GATAD2A: variants seen among roughly 807,000 people sequenced by gnomAD.
The protein encoded by GATAD2A is GATA zinc finger domain containing 2A.
GATAD2A carries 12 observed loss-of-function variants against 68.5 expected under a neutral mutation model. The observed-to-expected ratio is 0.18, with a 90% CI of 0.11 to 0.28. The LOEUF (loss-of-function observed/expected upper bound fraction) is 0.28. Among genes scored for constraint, GATAD2A ranks in the 10% least tolerant of loss-of-function variants. The pLI is 1.00. For synonymous variants in GATAD2A, 410 were observed against 375.3 expected (o/e 1.09, Z -1.07); for missense variants, 755 against 868.5 (o/e 0.87, Z 1.64).
chr19:19,460,060 C>T (rs1340209686), intron 1 of GATAD2A, among the ~76,000 whole-genome samples: 2 of 152,220 alleles, frequency 1.3e-5, no homozygotes, highest in African/African-American at 4.8e-5. Flanking sequence ...AAGAAGTATG[C>T]TTGTCAGGCA....
rs1034995360 is a variant in GATAD2A at position 19,477,510 on chromosome 19, G to A, written c.269+11896G>A. On this transcript the variant is annotated intron_variant, in intron 2 of 11. Coordinates refer to ENST00000683918, the MANE Select transcript of GATAD2A (RefSeq NM_001384528.1). Reference sequence around the variant, plus strand: ...GTCTGCAGGCGGTGTGGGAAGAGTGGTCTGAGGGCACTCTCTGGGGGACTG... The same window carrying A: ...GTCTGCAGGCGGTGTGGGAAGAGTGATCTGAGGGCACTCTCTGGGGGACTG... Among the ~76,000 whole-genome samples, 3 of 152,214 alleles carry A rather than the reference G, an allele frequency of 2.0e-5. No individual in the cohort carries two copies. In the South Asian group the frequency reaches 6.2e-4, roughly 32 times the overall value.
intron 2 of GATAD2A, among the ~76,000 whole-genome samples, chr19:19,489,032 C>T (rs751644557): frequency 7.2e-5 from 11 of 152,208 alleles, no homozygotes; most frequent in Non-Finnish European, 1.5e-4. Context: ...TGAAATAATG[C>T]CTGCAATCAT....
Position 19,417,262 on chromosome 19 carries a change from C to T in GATAD2A, c.-7+11243C>T, listed in dbSNP as rs117321775. Among the ~76,000 whole-genome samples, 98 of 152,242 alleles carry T rather than the reference C, an allele frequency of 6.4e-4. 1 individual carries two copies. The highest frequency in any genetic ancestry group is 2.1e-3 in the African/African-American group (86 of 41,526). On this transcript the variant is annotated intron_variant, in intron 1 of 11. Transcript: ENST00000683918. ...CTGGGATGAGTGACAGGGGTGCAGA[C>T]GTCCTTGTGGGTAAGTGGCCCCTGC... is the stretch of plus-strand genomic sequence containing the variant.
intron 1 of GATAD2A, chr19:19,427,788 CTCAG>C (rs1568275418): frequency 6.6e-6 from 1 of 152,646 alleles, no homozygotes; most frequent in African/African-American, 2.4e-5. Context: ...ATTCTCCTGC[CTCAG>C]CCTGCTGAGT....
intron 2 of GATAD2A, among the ~76,000 whole-genome samples, chr19:19,480,506 C>T (rs532754981): frequency 3.9e-5 from 6 of 152,240 alleles, no homozygotes; most frequent in Non-Finnish European, 7.3e-5. Flanking sequence ...TGAATGCTCA[C>T]GCGAGCGTTT....
intron 1 of GATAD2A, among the ~76,000 whole-genome samples, chr19:19,408,719 T>C (rs940383692): frequency 4.6e-5 from 7 of 152,208 alleles, no homozygotes; most frequent in Non-Finnish European, 1.0e-4. Context: ...GAGGAATCCC[T>C]CCTCAGTAGA....
intron 2 of GATAD2A, among the ~76,000 whole-genome samples, chr19:19,480,887 AAG>A (rs2059011138): frequency 6.6e-6 from 1 of 152,204 alleles, no homozygotes; most frequent in African/African-American, 2.4e-5. Context: ...AGATGTTTAA[AAG>A]AGGGGCAGGA....
chr19:19,423,603 C>T (rs2052699014), intron 1 of GATAD2A, among the ~76,000 whole-genome samples: 1 of 152,242 alleles, frequency 6.6e-6, no homozygotes, highest in Non-Finnish European at 1.5e-5. Flanking sequence ...TGGTTCCAGC[C>T]AAGTCTGAGA....
chr19:19,470,145 TTTTTTTTTTG>T (rs2058178377), intron 2 of GATAD2A, among the ~76,000 whole-genome samples: 1 of 141,750 alleles, frequency 7.1e-6, no homozygotes, highest in South Asian at 2.4e-4. Context: ...GCGACTTTAT[TTTTTTTTTTG>T]TTTTTTTTTT....
chr19:19,393,571 A>G (rs540863313), intron 1 of GATAD2A, among the ~76,000 whole-genome samples: 1 of 152,294 alleles, frequency 6.6e-6, no homozygotes. Context: ...AGAAGCTTAC[A>G]TCTTAGTTGC....
At chr19:19,492,892 A>G (rs1193012462) in intron 4 of GATAD2A, among the ~76,000 whole-genome samples, 180 bp downstream of exon 4, 1 of 151,762 alleles carries the variant, frequency 6.6e-6, no homozygotes, top group Non-Finnish European at 1.5e-5. Context: ...ACAAGATGTT[A>G]AAGTGAATTT....
chr19:19,485,696 A>G (rs1314418406), intron 2 of GATAD2A, among the ~76,000 whole-genome samples: 2 of 152,186 alleles, frequency 1.3e-5, no homozygotes, highest in Non-Finnish European at 2.9e-5. Context: ...CAGGTCAAGT[A>G]CTACGGGGGC....
chr19:19,417,611 A>G (rs553061026), intron 1 of GATAD2A, among the ~76,000 whole-genome samples: 7 of 152,276 alleles, frequency 4.6e-5, no homozygotes, highest in Non-Finnish European at 8.8e-5. Flanking sequence ...TGCTGTGGTT[A>G]TTGTTGATGT....
chr19:19,462,663 T>C (rs780836157), intron 1 of GATAD2A, among the ~76,000 whole-genome samples: 1 of 152,228 alleles, frequency 6.6e-6, no homozygotes. Context: ...AAGAGAGGTC[T>C]CTGGGGCTGG....
chr19:19,413,078 A>G (rs1040402475), intron 1 of GATAD2A, among the ~76,000 whole-genome samples: 2 of 152,180 alleles, frequency 1.3e-5, no homozygotes. Context: ...TTCTACTCCC[A>G]GTGGGGCTGC....
chr19:19,431,726 A>T (rs2053772689), intron 1 of GATAD2A, among the ~76,000 whole-genome samples: 1 of 151,258 alleles, frequency 6.6e-6, no homozygotes, highest in Non-Finnish European at 1.5e-5. Context: ...ACTAAGCACC[A>T]CTTATGTGTC....
chr19:19,483,575 G>C (rs1022148887), intron 2 of GATAD2A, among the ~76,000 whole-genome samples: 1 of 152,048 alleles, frequency 6.6e-6, no homozygotes, highest in Non-Finnish European at 1.5e-5. Flanking sequence ...CATGGGGAGC[G>C]GGGTGACTCG....
chr19:19,461,774 C>T lies in GATAD2A; in HGVS notation c.-6-3566C>T, dbSNP rs77239499. 4.3e-3 allele frequency among the ~76,000 whole-genome samples: 659 copies of T among 152,360 alleles called. 5 individuals are homozygous for T. The highest frequency in any genetic ancestry group is 0.015 in the African/African-American group (630 of 41,586). ...TGCTCATCTGTGCTGGCTTGCAGTCCGGCCTGGGGTGTTTGGAGAGAGTGA... is the reference window on the plus strand; with the variant it reads ...TGCTCATCTGTGCTGGCTTGCAGTCTGGCCTGGGGTGTTTGGAGAGAGTGA... On this transcript the variant is annotated intron_variant, in intron 1 of 11. Transcript: ENST00000683918.
In GATAD2A at chr19:19,492,391, G is replaced by A; in HGVS notation, c.355G>A (p.Gly119Arg). 1 of 1,613,760 alleles carries A rather than the reference G, an allele frequency of 6.2e-7. No individual in the cohort carries two copies. Among genetic ancestry groups the A allele is most frequent in the Non-Finnish European group, 8.5e-7 (1 of 1,179,806 alleles). Residue 119 changes from glycine to arginine, a missense_variant, in exon 3 of 12, where the codon GGG becomes AGG. Coordinates refer to ENST00000683918, the MANE Select transcript of GATAD2A (RefSeq NM_001384528.1). ...NEQPSSPRVNGLTTVALKETS... is the reference protein window; with the variant it reads ...NEQPSSPRVNRLTTVALKETS... ...GCAGCCCTCGAGCCCGAGAGTGAATGGGCTGACCACGGTGGCCTTGAAGGA... is the reference window on the plus strand; with the variant it reads ...GCAGCCCTCGAGCCCGAGAGTGAATAGGCTGACCACGGTGGCCTTGAAGGA...
Sources: gnomAD v4.1 joint callset for allele counts (sites outside exome capture counted in the v4.1 genomes callset) on GRCh38, gnomAD v4.1.1 for gene constraint, MANE v1.5 for transcripts, NCBI Gene and HGNC (gene_info 2026-07-23, HGNC 2026-07-21) for gene names.